The following ITSN1 variants were observed in gnomAD, a reference collection of about 807,000 sequenced individuals.
ITSN1 encodes intersectin 1.
In ITSN1, 58 loss-of-function variants were observed where a neutral mutation model predicts 239.8. The observed-to-expected ratio is 0.24, with a 90% CI of 0.20 to 0.30. The LOEUF (loss-of-function observed/expected upper bound fraction) is 0.30. ITSN1 is among the 10% of genes least tolerant of loss of function. ITSN1 has a pLI of 1.00. For synonymous variants in ITSN1, 780 were observed against 770.8 expected (o/e 1.01, Z -0.20); for missense variants, 1,558 against 2,103.3 (o/e 0.74, Z 5.07).
chr21:33,740,658 A>C (rs2066789671), intron 5 of ITSN1, among the ~76,000 whole-genome samples: 1 of 152,186 alleles, frequency 6.6e-6, no homozygotes, highest in African/African-American at 2.4e-5. Flanking sequence ...ACACAGGAAG[A>C]GGTGATGGCA....
intron 1 of ITSN1, among the ~76,000 whole-genome samples, chr21:33,656,684 C>T (rs1223737227): frequency 6.6e-6 from 1 of 151,948 alleles, no homozygotes; most frequent in African/African-American, 2.4e-5. Context: ...AGGTCTGTGG[C>T]GTGCCACTTG....
chr21:33,755,284 CT>C lies in ITSN1; in HGVS notation c.624-9del. On this transcript the variant is annotated splice_polypyrimidine_tract_variant and intron_variant, in intron 7 of 39. Coordinates refer to ENST00000381318, the MANE Select transcript of ITSN1 (RefSeq NM_003024.3). ...GGATAATCCTCTTTCTCTCCTTTTT[CT>C]TTTCCCCACAGTGTCCCACCAGTGG... 1 of 1,534,980 alleles carries C rather than the reference CT, an allele frequency of 6.5e-7. No homozygotes were observed. The highest frequency in any genetic ancestry group is 1.9e-5 in the Admixed American group (1 of 53,420).
intron 30 of ITSN1, among the ~76,000 whole-genome samples, chr21:33,858,128 C>A (rs1019400957): frequency 6.6e-6 from 1 of 152,144 alleles, no homozygotes; most frequent in Non-Finnish European, 1.5e-5. Flanking sequence ...GCAGCACTCA[C>A]CCCCTTGTAG....
At chr21:33,778,438 A>G (rs1396775309) in intron 14 of ITSN1, among the ~76,000 whole-genome samples, 1 of 152,028 alleles carries the variant, frequency 6.6e-6, no homozygotes, top group Non-Finnish European at 1.5e-5. Flanking sequence ...TTAATTATAA[A>G]ATTCATTATG....
chr21:33,864,068 AAAG>A (rs1235234095), intron 31 of ITSN1, among the ~76,000 whole-genome samples: 5 of 152,222 alleles, frequency 3.3e-5, no homozygotes, highest in African/African-American at 1.2e-4. Context: ...GGGAGAAAGA[AAAG>A]AAAGTGATCT....
At chr21:33,819,809 C>T (rs865863031) in intron 24 of ITSN1, among the ~76,000 whole-genome samples, 28 of 151,354 alleles carry the variant, frequency 1.8e-4, no homozygotes, top group South Asian at 1.0e-3. Context: ...GGTGAAACCC[C>T]GTCTCTACTA....
At chr21:33,748,060 GAA>G (rs1158083523) in intron 5 of ITSN1, among the ~76,000 whole-genome samples, 1 of 152,212 alleles carries the variant, frequency 6.6e-6, no homozygotes, top group Non-Finnish European at 1.5e-5. Flanking sequence ...TAATAGCACA[GAA>G]GAGGAGAAAG....
chr21:33,697,234 A>ATTG (rs373931519), intron 1 of ITSN1, among the ~76,000 whole-genome samples: 2 of 121,708 alleles, frequency 1.6e-5, no homozygotes, highest in Non-Finnish European at 3.3e-5. Context: ...CACCTGGCTA[A>ATTG]TTTTTTTTTT....
intron 33 of ITSN1, among the ~76,000 whole-genome samples, chr21:33,868,305 C>T (rs1416585499): frequency 7.9e-5 from 12 of 152,258 alleles, no homozygotes; most frequent in South Asian, 2.1e-4. Flanking sequence ...GCCAGTCTCG[C>T]GCCATGCACT....
intron 5 of ITSN1, among the ~76,000 whole-genome samples, chr21:33,739,880 A>T (rs553877824): frequency 2.0e-5 from 3 of 152,292 alleles, no homozygotes; most frequent in Non-Finnish European, 4.4e-5. Flanking sequence ...TGAAGACTGG[A>T]ATGTAGGGGA....
chr21:33,657,841 C>T (rs756037091), intron 1 of ITSN1, among the ~76,000 whole-genome samples: 1 of 152,160 alleles, frequency 6.6e-6, no homozygotes, highest in East Asian at 1.9e-4. Flanking sequence ...TAAAAATCAG[C>T]TGGGCATGGT....
At position 33,717,757 on chromosome 21, in the gene ITSN1, T is replaced by C. The variant is rs557086247; in HGVS notation, c.-32-1040T>C. 7.8e-3 allele frequency among the ~76,000 whole-genome samples: 1,181 copies of C among 152,102 alleles called. 8 individuals are homozygous for C. The highest frequency in any genetic ancestry group is 0.017 in the Middle Eastern group (5 of 294). On this transcript the variant is annotated intron_variant, in intron 1 of 39. Coordinates refer to ENST00000381318, the MANE Select transcript of ITSN1 (RefSeq NM_003024.3). ...TGTGTGTGTGTGTTTCCAGTAGAGA[T>C]GGGGTTTTACCGTGTTAGCTAGGAT...
chr21:33,724,091 G>A (rs1008224540), intron 4 of ITSN1, among the ~76,000 whole-genome samples: 1 of 114,420 alleles, frequency 8.7e-6, no homozygotes, highest in Non-Finnish European at 1.7e-5. Flanking sequence ...GATTGTGTGT[G>A]TGTGTTTGTG....
At chr21:33,852,401 G>A (rs576834825) in intron 29 of ITSN1, among the ~76,000 whole-genome samples, 6 of 152,290 alleles carry the variant, frequency 3.9e-5, no homozygotes, top group South Asian at 2.1e-4. Context: ...TACCCTGAAT[G>A]CTCTGTAGCC....
intron 1 of ITSN1, among the ~76,000 whole-genome samples, chr21:33,711,026 C>T (rs975308520): frequency 6.6e-6 from 1 of 151,650 alleles, no homozygotes; most frequent in Non-Finnish European, 1.5e-5. Context: ...CTCCTGACCT[C>T]GTGATCCCAA....
At chr21:33,693,976 T>C (rs762798369) in intron 1 of ITSN1, among the ~76,000 whole-genome samples, 64 of 152,252 alleles carry the variant, frequency 4.2e-4, no homozygotes, top group Admixed American at 1.4e-3. Context: ...ATACCTCATA[T>C]AAAGTTTTAT....
chr21:33,868,222 TC>T (rs996695019), intron 33 of ITSN1, among the ~76,000 whole-genome samples: 70 of 152,264 alleles, frequency 4.6e-4, no homozygotes, highest in African/African-American at 1.6e-3. Flanking sequence ...ATTCTCCACG[TC>T]CCCACCAGAC....
intron 8 of ITSN1, chr21:33,756,699 C>A (rs2067943331): frequency 1.3e-5 from 2 of 152,138 alleles, no homozygotes; most frequent in African/African-American, 4.8e-5. Context: ...AGTAAATACA[C>A]ACAGATTCTC....
chr21:33,779,841 C>CT lies in ITSN1; in HGVS notation c.1597-1610dup, dbSNP rs570839307. On this transcript the variant is annotated intron_variant, in intron 14 of 39. Transcript: ENST00000381318. The stretch of plus-strand genomic sequence containing the variant: ...CCTTTTTAAAGTATATTTTTCTTTT[C>CT]TTTTTTTTTTGAGACAAAGTCTCAC... 2.1e-3 allele frequency among the ~76,000 whole-genome samples: 319 copies of CT among 148,662 alleles called. 1 individual carries two copies. The highest frequency in any genetic ancestry group is 7.1e-3 in the African/African-American group (289 of 40,676).
Sources: allele counts gnomAD v4.1 joint callset (sites outside exome capture counted in the v4.1 genomes callset), GRCh38; gene constraint gnomAD v4.1.1; transcripts MANE v1.5; gene names NCBI Gene and HGNC (gene_info 2026-07-23, HGNC 2026-07-21).